Variants in CCDC7 observed in about 807,000 individuals in gnomAD.
The protein encoded by CCDC7 is coiled-coil domain-containing protein 7.
In CCDC7, 183 loss-of-function variants were observed where a neutral mutation model predicts 196.9. That is an observed-to-expected ratio of 0.93 (90% CI 0.82 to 1.05). CCDC7 has a LOEUF of 1.05. Ranked by LOEUF, CCDC7 falls within the 50% of genes least tolerant of loss-of-function variation. The pLI is 0.00. For missense variants in CCDC7, 1,540 were observed against 1,482.2 expected, an observed-to-expected ratio of 1.04 and a Z score of -0.64; for synonymous variants, 525 against 484.6, an observed-to-expected ratio of 1.08 and a Z score of -1.10.
intron 28 of CCDC7, among the ~76,000 whole-genome samples, chr10:32,776,272 G>A (rs5003656): frequency 0.92 from 138,063 of 149,796 alleles, 64,604 homozygotes; most frequent in East Asian, 1. Flanking sequence ...CCTAAAACTT[G>A]AAGTATAATA....
At chr10:32,541,131 G>A (rs975920275) in intron 11 of CCDC7, among the ~76,000 whole-genome samples, 1 of 151,368 alleles carries the variant, frequency 6.6e-6, no homozygotes, top group Non-Finnish European at 1.5e-5. Context: ...AGAGTTGCTC[G>A]CCCTGCCTTC....
chr10:32,511,884 C>T (rs2046278460), intron 9 of CCDC7: 1 of 623,444 alleles, frequency 1.6e-6, no homozygotes, highest in South Asian at 2.0e-5. Flanking sequence ...ACACAAATTA[C>T]ATACCAATAA....
At chr10:32,682,361 G>T (rs1156878660) in intron 21 of CCDC7, among the ~76,000 whole-genome samples, 1 of 152,098 alleles carries the variant, frequency 6.6e-6, no homozygotes, top group Non-Finnish European at 1.5e-5. Context: ...ACAATTTATG[G>T]TGTACATGTA....
At position 32,471,642 on chromosome 10, in the gene CCDC7, C is replaced by A. The variant is rs73251520; in HGVS notation, c.677+412C>A. Among the ~76,000 whole-genome samples, 992 of 152,194 alleles carry A rather than the reference C, an allele frequency of 6.5e-3. 11 individuals are homozygous for A. The highest frequency in any genetic ancestry group is 0.023 in the African/African-American group (956 of 41,526). ...TGAAATACTTCATTGTTCATGAACA[C>A]CTTCATTAATTATATTAACAGCTTA... On this transcript the variant is annotated intron_variant, in intron 6 of 41. Transcript: ENST00000639629.
At chr10:32,523,549 C>CAAA (rs34147655) in intron 11 of CCDC7, among the ~76,000 whole-genome samples, 111 of 130,628 alleles carry the variant, frequency 8.5e-4, no homozygotes, top group Middle Eastern at 3.8e-3. Flanking sequence ...ACGCTGTCTC[C>CAAA]AAAAAAAAAA....
intron 31 of CCDC7, among the ~76,000 whole-genome samples, chr10:32,820,539 G>A (rs2089957945): frequency 6.6e-6 from 1 of 152,144 alleles, no homozygotes; most frequent in Non-Finnish European, 1.5e-5. Context: ...CAAAGCTGGA[G>A]GCATCACGCT....
At chr10:32,656,271 A>G (rs2069844115) in intron 20 of CCDC7, among the ~76,000 whole-genome samples, 1 of 152,256 alleles carries the variant, frequency 6.6e-6, no homozygotes, top group South Asian at 2.1e-4. Flanking sequence ...TTAGTATGTC[A>G]AAGAGATATC....
chr10:32,518,388 C>G, intron 10 of CCDC7, 28 bp from the exon 12 acceptor site: 2 of 1,549,614 alleles, frequency 1.3e-6, no homozygotes, highest in Non-Finnish European at 1.7e-6. Flanking sequence ...TTTTACTCTT[C>G]ATTATTACTA....
intron 28 of CCDC7, among the ~76,000 whole-genome samples, chr10:32,760,324 AG>A (rs1281150233): frequency 1.3e-5 from 2 of 152,160 alleles, no homozygotes; most frequent in African/African-American, 4.8e-5. Context: ...TATTCACAAT[AG>A]CAAAGACTTG....
chr10:32,479,571 G>C (rs554049576), intron 8 of CCDC7, among the ~76,000 whole-genome samples: 1 of 152,228 alleles, frequency 6.6e-6, no homozygotes, highest in South Asian at 2.1e-4. Flanking sequence ...TGGTCATAGT[G>C]AATGATTCTT....
intron 20 of CCDC7, among the ~76,000 whole-genome samples, chr10:32,640,670 T>G (rs1213084044): frequency 6.6e-6 from 1 of 152,172 alleles, no homozygotes; most frequent in Non-Finnish European, 1.5e-5. Context: ...CCATGTTTAG[T>G]GCTTCCTTCA....
intron 20 of CCDC7, among the ~76,000 whole-genome samples, chr10:32,663,632 T>C (rs2071997115): frequency 6.6e-6 from 1 of 152,110 alleles, no homozygotes; most frequent in African/African-American, 2.4e-5. Context: ...ATATTGTAGT[T>C]GATAATACCA....
At chr10:32,666,691 C>T (rs1177961875) in intron 21 of CCDC7, among the ~76,000 whole-genome samples, 1 of 152,078 alleles carries the variant, frequency 6.6e-6, no homozygotes, top group African/African-American at 2.4e-5. Flanking sequence ...CCATGTCCTA[C>T]AAAGGACATG....
chr10:32,602,883 A>G (rs975305160), intron 18 of CCDC7, among the ~76,000 whole-genome samples: 2 of 152,216 alleles, frequency 1.3e-5, no homozygotes, highest in Admixed American at 1.3e-4. Context: ...GGATATATGC[A>G]TACAATGTGT....
chr10:32,568,701 A>G (rs748448385), intron 15 of CCDC7, among the ~76,000 whole-genome samples: 1 of 152,226 alleles, frequency 6.6e-6, no homozygotes, highest in African/African-American at 2.4e-5. Context: ...TATATCTGCC[A>G]TTATTATAAA....
chr10:32,686,059 T>G (rs1164939162), exon 22 of CCDC7: 1 of 1,519,620 alleles, frequency 6.6e-7, no homozygotes, highest in Admixed American at 2.0e-5. Context: ...ACAAGAAACT[T>G]CTACAGAGCA....
At chr10:32,690,634 T>C (rs148137631) in intron 23 of CCDC7, among the ~76,000 whole-genome samples, 265 of 152,360 alleles carry the variant, frequency 1.7e-3, no homozygotes, top group Middle Eastern at 0.014. Flanking sequence ...TAGAGAACTT[T>C]TGCTTCATTA....
At chr10:32,732,481 GTTTA>G (rs1404575029) in intron 28 of CCDC7, among the ~76,000 whole-genome samples, 3 of 152,048 alleles carry the variant, frequency 2.0e-5, no homozygotes, top group African/African-American at 7.2e-5. Context: ...CTGAGGTTCT[GTTTA>G]TTTTATCATT....
At chr10:32,581,152 A>C (rs773119953) in intron 16 of CCDC7, among the ~76,000 whole-genome samples, 14 of 152,140 alleles carry the variant, frequency 9.2e-5, no homozygotes, top group Non-Finnish European at 2.1e-4. Flanking sequence ...AGTGCTGTCA[A>C]TATGCTTATA....
Sources: gnomAD v4.1 joint callset for allele counts (sites outside exome capture counted in the v4.1 genomes callset) on GRCh38, gnomAD v4.1.1 for gene constraint, MANE v1.5 for transcripts, NCBI Gene and HGNC (gene_info 2026-07-23, HGNC 2026-07-21) for gene names.